SLK: variants seen among roughly 807,000 people sequenced by gnomAD.
SLK encodes STE20 like kinase.
A neutral mutation model predicts 147.7 loss-of-function variants in SLK; 67 were observed. That is an observed-to-expected ratio of 0.45 (90% CI 0.37 to 0.56). SLK has a LOEUF of 0.56. Ranked by LOEUF, SLK falls within the 20% of genes least tolerant of loss-of-function variation. SLK has a pLI of 0.00. For synonymous variants in SLK, 441 were observed against 475.0 expected, an observed-to-expected ratio of 0.93 and a Z score of 0.93; for missense variants, 1,136 against 1,438.8, an observed-to-expected ratio of 0.79 and a Z score of 3.41.
chr10:103,975,106 TCTC>T (rs1225665859), intron 1 of SLK, among the ~76,000 whole-genome samples: 2 of 151,878 alleles, frequency 1.3e-5, no homozygotes, highest in Non-Finnish European at 2.9e-5. Flanking sequence ...TAGGCCACCT[TCTC>T]CTTTTCTTAA....
chr10:103,968,031 G>A (rs1843741256), intron 1 of SLK, 136 bp downstream of exon 1: 1 of 895,804 alleles, frequency 1.1e-6, no homozygotes, highest in African/African-American at 1.7e-5. Flanking sequence ...ACTTTACTTG[G>A]CTGATCATCC....
In SLK at chr10:103,967,788, GAGA is replaced by G. The variant is rs748805352; in HGVS notation, c.55_57del (p.Lys19del). On this transcript the variant is annotated inframe_deletion, in exon 1 of 19. Transcript: ENST00000369755. ...CCGTAAGATCTTCAAGTTGGGGAGC[GAGA>G]AGAAGAAGAAGCAGTACGAACACGT... 45 of 1,612,476 alleles carry G rather than the reference GAGA, an allele frequency of 2.8e-5. No homozygotes were observed. The highest frequency in any genetic ancestry group is 8.9e-5 in the East Asian group (4 of 44,808).
intron 1 of SLK, among the ~76,000 whole-genome samples, chr10:103,970,063 A>C (rs1470569625): frequency 6.6e-6 from 1 of 152,178 alleles, no homozygotes; most frequent in East Asian, 1.9e-4. Context: ...GACCTTGAGC[A>C]AGTTTCTTAT....
At chr10:104,009,698 T>C (rs1008878089) in intron 12 of SLK, among the ~76,000 whole-genome samples, 2 of 152,128 alleles carry the variant, frequency 1.3e-5, no homozygotes, top group Admixed American at 1.3e-4. Flanking sequence ...AAGTCTCAGT[T>C]ATTGTTTTTG....
chr10:104,010,666 C>CT (rs1834289479), intron 12 of SLK, 150 bp from the exon 13 acceptor site: 1 of 447,270 alleles, frequency 2.2e-6, no homozygotes, highest in Non-Finnish European at 4.0e-6. Flanking sequence ...TTCTTTCATT[C>CT]TTTTTCACCA....
intron 9 of SLK, among the ~76,000 whole-genome samples, chr10:104,003,926 A>C (rs747147734): frequency 6.6e-6 from 1 of 152,200 alleles, no homozygotes; most frequent in Non-Finnish European, 1.5e-5. Context: ...CCATACAGTC[A>C]CAGACATTGC....
intron 1 of SLK, chr10:103,974,614 C>CAAA (rs1175099184): frequency 1.9e-3 from 2 of 1,030 alleles, no homozygotes; most frequent in African/African-American, 4.0e-3. Context: ...GACTCCGTCT[C>CAAA]AAAAAAAAAA....
chr10:103,979,341 A>AGCATG (rs1843911375), intron 1 of SLK, among the ~76,000 whole-genome samples: 1 of 152,208 alleles, frequency 6.6e-6, no homozygotes. Flanking sequence ...TTGCTTGTAA[A>AGCATG]GCATGTTTTA....
chr10:103,969,295 A>C lies in SLK; in HGVS notation c.150+1400A>C, dbSNP rs77505848. Among the ~76,000 whole-genome samples the C allele has an allele frequency of 1.6e-4, 24 of 152,210 alleles. No homozygotes were observed. The East Asian group carries it at 4.4e-3, about 28-fold the overall frequency. On this transcript the variant is annotated intron_variant, in intron 1 of 18. Coordinates refer to ENST00000369755, the MANE Select transcript of SLK (RefSeq NM_014720.4). ...CCTACTACTTTCTAAGCACCATTACACTTCTGCCTCTGCCCTGCCTCAAAT... is the reference window on the plus strand; with the variant it reads ...CCTACTACTTTCTAAGCACCATTACCCTTCTGCCTCTGCCCTGCCTCAAAT...
intron 1 of SLK, among the ~76,000 whole-genome samples, chr10:103,972,291 T>C (rs1843802585): frequency 6.6e-6 from 1 of 152,240 alleles, no homozygotes; most frequent in Non-Finnish European, 1.5e-5. Context: ...GGAATGGAAT[T>C]GCTAGGTTAT....
At chr10:103,982,416 A>G (rs902422214) in intron 1 of SLK, among the ~76,000 whole-genome samples, 1 of 152,234 alleles carries the variant, frequency 6.6e-6, no homozygotes, top group South Asian at 2.1e-4. Context: ...TTTTGTTGCT[A>G]TATTTTGACT....
At chr10:104,021,280 C>G (rs1176506475) in intron 17 of SLK, among the ~76,000 whole-genome samples, 4 of 152,180 alleles carry the variant, frequency 2.6e-5, no homozygotes, top group Non-Finnish European at 5.9e-5. Context: ...CCTTTAGTAC[C>G]AGATCCCACA....
chr10:104,021,365 G>A (rs552684097), intron 17 of SLK, among the ~76,000 whole-genome samples: 210 of 152,222 alleles, frequency 1.4e-3, no homozygotes, highest in Middle Eastern at 0.014. Flanking sequence ...TTCTTAGAAA[G>A]GAAAAACAAA....
At chr10:103,980,585 G>A (rs566778795) in intron 1 of SLK, among the ~76,000 whole-genome samples, 9 of 152,116 alleles carry the variant, frequency 5.9e-5, no homozygotes, top group Non-Finnish European at 1.3e-4. Context: ...GAATCATACA[G>A]TATTTATCAT....
chr10:104,021,499 A>T, intron 17 of SLK, 121 bp from the exon 18 acceptor site: 1 of 583,826 alleles, frequency 1.7e-6, no homozygotes, highest in South Asian at 2.1e-5. Flanking sequence ...ATAGAGGAAA[A>T]CTTGAATCTC....
intron 11 of SLK, 140 bp downstream of exon 11, chr10:104,006,175 G>A: frequency 2.2e-6 from 2 of 896,668 alleles, no homozygotes; most frequent in East Asian, 2.9e-5. Context: ...TTTATTTCTG[G>A]CATTTTTACC....
chr10:104,018,301 A>G lies in SLK; in HGVS notation c.3007+12A>G. On this transcript the variant is annotated intron_variant, in intron 14 of 18. Coordinates refer to ENST00000369755, the MANE Select transcript of SLK (RefSeq NM_014720.4). ...ACAGCTCATGAGAGGTAATTTTTTT[A>G]AAATTAAGAAATACTGCAAAATGTA... 6.3e-7 allele frequency: 1 copy of G among 1,594,034 alleles called. No individual in the cohort carries two copies.
chr10:104,001,578 T>C lies in SLK; in HGVS notation c.993+6T>C, dbSNP rs766546134. Reference sequence around the variant, plus strand: ...AGGAAACAGAAAATTCTCTGGTCAGTATTTAGGAAAGAAATTTCATTTAGT... The same window carrying C: ...AGGAAACAGAAAATTCTCTGGTCAGCATTTAGGAAAGAAATTTCATTTAGT... On this transcript the variant is annotated splice_donor_region_variant and intron_variant, in intron 8 of 18. Transcript: ENST00000369755. 8.7e-6 allele frequency: 14 copies of C among 1,613,606 alleles called. No individual in the cohort carries two copies. Among genetic ancestry groups the C allele is most frequent in the Non-Finnish European group, 1.2e-5 (14 of 1,179,670 alleles).
At chr10:103,980,889 TG>T (rs1843932553) in intron 1 of SLK, among the ~76,000 whole-genome samples, 1 of 152,130 alleles carries the variant, frequency 6.6e-6, no homozygotes, top group Non-Finnish European at 1.5e-5. Context: ...TTTAATTTTT[TG>T]GGGGAACTGC....
Sources: allele counts gnomAD v4.1 joint callset (sites outside exome capture counted in the v4.1 genomes callset), GRCh38; gene constraint gnomAD v4.1.1; transcripts MANE v1.5; gene names NCBI Gene and HGNC (gene_info 2026-07-23, HGNC 2026-07-21).